Variants in XPO7 observed in about 807,000 individuals in gnomAD.
XPO7 encodes exportin-7.
XPO7 carries 21 observed loss-of-function variants against 144.3 expected under a neutral mutation model. The ratio of observed to expected loss-of-function variants is 0.15; its 90% confidence interval spans 0.10 to 0.21. The LOEUF is 0.21. Ranked by LOEUF, XPO7 falls within the 10% of genes least tolerant of loss-of-function variation. XPO7 has a pLI of 1.00. For synonymous variants in XPO7, 580 were observed against 499.6 expected, an observed-to-expected ratio of 1.16 and a Z score of -2.15; for missense variants, 808 against 1,325.8, an observed-to-expected ratio of 0.61 and a Z score of 6.06.
intron 8 of XPO7, 78 bp from the exon 9 acceptor site, chr8:21,980,006 T>C (rs1585463489): frequency 7.1e-7 from 1 of 1,410,366 alleles, no homozygotes; most frequent in Non-Finnish European, 9.3e-7. Flanking sequence ...AAGGATATTG[T>C]AGGAGGTGGA....
chr8:22,001,789 A>C (rs1487754602), intron 24 of XPO7, among the ~76,000 whole-genome samples: 1 of 152,232 alleles, frequency 6.6e-6, no homozygotes, highest in Non-Finnish European at 1.5e-5. Context: ...AACACCTATA[A>C]AGTACTTAGC....
chr8:21,952,445 A>G (rs1447390495), intron 1 of XPO7, among the ~76,000 whole-genome samples: 1 of 152,192 alleles, frequency 6.6e-6, no homozygotes, highest in Non-Finnish European at 1.5e-5. Context: ...AGCTATATAA[A>G]ATAGAAGACT....
intron 19 of XPO7, among the ~76,000 whole-genome samples, chr8:21,993,338 A>G (rs1167282060): frequency 6.6e-6 from 1 of 152,220 alleles, no homozygotes; most frequent in Non-Finnish European, 1.5e-5. Flanking sequence ...GAGACTGACC[A>G]AGTCTTAGAC....
At chr8:21,939,727 AGAG>A (rs1458596115) in intron 1 of XPO7, among the ~76,000 whole-genome samples, 1 of 152,242 alleles carries the variant, frequency 6.6e-6, no homozygotes, top group Admixed American at 6.5e-5. Flanking sequence ...TAAAAAGATC[AGAG>A]GATAAGTGAC....
At chr8:21,989,155 T>C in intron 16 of XPO7, 72 bp downstream of exon 16, 2 of 1,384,114 alleles carry the variant, frequency 1.4e-6, no homozygotes, top group South Asian at 2.5e-5. Context: ...CATGGCCTCC[T>C]GCTCTTTCCA....
chr8:22,001,766 A>G (rs1260880768), intron 24 of XPO7, among the ~76,000 whole-genome samples: 1 of 152,208 alleles, frequency 6.6e-6, no homozygotes, highest in Non-Finnish European at 1.5e-5. Context: ...TCTTGAGAGG[A>G]TAAATTAGAG....
chr8:21,984,437 G>A (rs1812509903), intron 11 of XPO7, among the ~76,000 whole-genome samples: 3 of 152,158 alleles, frequency 2.0e-5, no homozygotes. Flanking sequence ...ACACCAACAA[G>A]CAGAATATAC....
chr8:21,984,414 A>G (rs1028381165), intron 11 of XPO7, among the ~76,000 whole-genome samples: 1 of 152,194 alleles, frequency 6.6e-6, no homozygotes, highest in African/African-American at 2.4e-5. Context: ...GAGAATTCAG[A>G]TTGTAAGATT....
At chr8:21,986,449 C>T (rs1209198685) in intron 13 of XPO7, among the ~76,000 whole-genome samples, 2 of 152,086 alleles carry the variant, frequency 1.3e-5, no homozygotes, top group Non-Finnish European at 2.9e-5. Context: ...CACCGCGCCC[C>T]GCCTTCAATA....
chr8:21,950,408 GTTC>G (rs1024560310), intron 1 of XPO7, among the ~76,000 whole-genome samples: 4 of 152,074 alleles, frequency 2.6e-5, no homozygotes, highest in African/African-American at 9.7e-5. Context: ...GCTAATTTTT[GTTC>G]TTCTAAAGAG....
At chr8:21,956,915 A>G (rs949692297) in intron 1 of XPO7, among the ~76,000 whole-genome samples, 9 of 152,102 alleles carry the variant, frequency 5.9e-5, no homozygotes, top group Non-Finnish European at 1.3e-4. Flanking sequence ...GGCTTTCTTC[A>G]GATTTCTGAT....
At chr8:21,992,327 G>A (rs1208081797) in intron 19 of XPO7, among the ~76,000 whole-genome samples, 1 of 151,866 alleles carries the variant, frequency 6.6e-6, no homozygotes, top group Non-Finnish European at 1.5e-5. Flanking sequence ...TCTTAAAATT[G>A]TGGTAAAAAA....
At chr8:21,937,733 C>T (rs2117261689) in intron 1 of XPO7, among the ~76,000 whole-genome samples, 1 of 152,300 alleles carries the variant, frequency 6.6e-6, no homozygotes, top group South Asian at 2.1e-4. Context: ...ACAAGGAAAT[C>T]AGTACCCGAT....
intron 1 of XPO7, among the ~76,000 whole-genome samples, chr8:21,965,191 T>A (rs1031034865): frequency 1.3e-5 from 2 of 152,114 alleles, no homozygotes; most frequent in Non-Finnish European, 2.9e-5. Flanking sequence ...GAAATAGATT[T>A]CAATGTTGAA....
intron 1 of XPO7, among the ~76,000 whole-genome samples, chr8:21,955,063 A>G (rs921055885): frequency 2.6e-5 from 4 of 152,208 alleles, no homozygotes; most frequent in Non-Finnish European, 4.4e-5. Context: ...ATTTACATAC[A>G]TGGTTGTTTA....
chr8:21,987,512 A>G (rs1243212225), intron 14 of XPO7, among the ~76,000 whole-genome samples: 2 of 152,204 alleles, frequency 1.3e-5, no homozygotes, highest in African/African-American at 2.4e-5. Flanking sequence ...TTCTCCCACA[A>G]ATGGGCAATT....
rs780131782 is a variant in XPO7 at position 21,967,040 on chromosome 8, G to A, written c.165+37G>A. The A allele has an allele frequency of 8.2e-6, 13 of 1,590,500 alleles. No homozygotes were observed. The South Asian group carries it at 9.1e-5, about 11-fold the overall frequency. The stretch of plus-strand genomic sequence containing the variant: ...CTGAAAATCCTAAAGGATAACAGGC[G>A]CTTCGGAAACGTTATTCTGGTTCTC... On this transcript the variant is annotated intron_variant, in intron 2 of 27. Transcript: ENST00000252512.
intron 1 of XPO7, among the ~76,000 whole-genome samples, chr8:21,923,075 G>C (rs926566496): frequency 2.6e-5 from 4 of 152,212 alleles, no homozygotes; most frequent in Non-Finnish European, 4.4e-5. Flanking sequence ...AATGATAAGT[G>C]CTATGGGTAG....
intron 24 of XPO7, among the ~76,000 whole-genome samples, chr8:22,001,872 G>A (rs921178620): frequency 7.9e-5 from 12 of 152,150 alleles, no homozygotes; most frequent in African/African-American, 2.9e-4. Flanking sequence ...GAAGATGTAC[G>A]TACATCCACA....
Sources: gnomAD v4.1 joint callset for allele counts (sites outside exome capture counted in the v4.1 genomes callset) on GRCh38, gnomAD v4.1.1 for gene constraint, MANE v1.5 for transcripts, NCBI Gene and HGNC (gene_info 2026-07-23, HGNC 2026-07-21) for gene names.